Variants in TMEM131L observed in about 807,000 individuals in gnomAD.
TMEM131L encodes transmembrane protein 131-like.
TMEM131L carries 54 observed loss-of-function variants against 192.2 expected under a neutral mutation model. That is an observed-to-expected ratio of 0.28 (90% confidence interval 0.23 to 0.35). TMEM131L has a LOEUF of 0.35. Ranked by LOEUF, TMEM131L falls within the 10% of genes least tolerant of loss-of-function variation. The pLI is 1.00. For synonymous variants in TMEM131L, 701 were observed against 704.9 expected (o/e 0.99, Z 0.09); for missense variants, 1,888 against 1,972.9 (o/e 0.96, Z 0.82).
At chr4:153,609,574 G>T (rs1195342680) in intron 25 of TMEM131L, among the ~76,000 whole-genome samples, 2 of 152,118 alleles carry the variant, frequency 1.3e-5, no homozygotes, top group Non-Finnish European at 2.9e-5. Flanking sequence ...TGCAGAACTT[G>T]TTGTTAACAT....
rs945396993 is a variant in TMEM131L at position 153,612,399 on chromosome 4, A to G, written c.3566A>G (p.Glu1189Gly). ...FSEKQDIPFVEQEDPYRKKKL... is the reference protein window; with the variant it reads ...FSEKQDIPFVGQEDPYRKKKL... The stretch of plus-strand genomic sequence containing the variant: ...GAGAAACAGGACATACCTTTCGTAG[A>G]GGTCTGTATTTTTTTTCTTGCCTAT... The change falls in exon 26 of 35, where the codon GAG becomes GGG. Residue 1189 changes from glutamate to glycine, a missense_variant and splice_region_variant. Glu to Gly is a moderately conservative substitution (Grantham distance 98). Coordinates refer to ENST00000409959, the MANE Select transcript of TMEM131L (RefSeq NM_001131007.2). 3.2e-6 allele frequency: 5 copies of G among 1,581,306 alleles called. No homozygotes were observed. The highest frequency in any genetic ancestry group is 3.9e-5 in the Admixed American group (2 of 51,540).
chr4:153,603,191 T>C, intron 23 of TMEM131L, 112 bp from the exon 24 acceptor site: 2 of 869,810 alleles, frequency 2.3e-6, no homozygotes, highest in Non-Finnish European at 3.4e-6. Context: ...ATTTTAATAC[T>C]GCATCTTCAG....
chr4:153,624,736 C>T (rs377099876), intron 29 of TMEM131L, among the ~76,000 whole-genome samples: 1 of 152,186 alleles, frequency 6.6e-6, no homozygotes, highest in East Asian at 1.9e-4. Context: ...CCCCAGATCC[C>T]AGTGCACTTC....
At chr4:153,583,472 T>A (rs1312781903) in intron 10 of TMEM131L, 92 bp from the exon 11 acceptor site, 1 of 894,984 alleles carries the variant, frequency 1.1e-6, no homozygotes, top group Non-Finnish European at 1.9e-6. Flanking sequence ...TATGTATGGC[T>A]GGTCTGTGCT....
intron 3 of TMEM131L, among the ~76,000 whole-genome samples, chr4:153,501,920 T>C (rs931884940): frequency 6.6e-6 from 1 of 150,856 alleles, no homozygotes; most frequent in Non-Finnish European, 1.5e-5. Flanking sequence ...TCCAGGTCAC[T>C]TCCTGGAAGT....
At chr4:153,548,153 C>T (rs1481904046) in intron 3 of TMEM131L, among the ~76,000 whole-genome samples, 1 of 152,178 alleles carries the variant, frequency 6.6e-6, no homozygotes, top group Non-Finnish European at 1.5e-5. Flanking sequence ...CCGGAGGCAA[C>T]TTCTCTGCAA....
Position 153,591,194 on chromosome 4 carries a change from G to C in TMEM131L, c.1812G>C (p.Met604Ile). The C allele has an allele frequency of 1.3e-6, 2 of 1,595,094 alleles. No homozygotes were observed. Among genetic ancestry groups the C allele is most frequent in the Non-Finnish European group, 1.7e-6 (2 of 1,170,312 alleles). The part of the protein sequence containing the change: ...NFSATALRSR[M>I]IKYFVVQNPS... ...GCGCAACTGCCCTTAGGAGCAGGATGGTGAGGACAGTGTGTCTTTTCATTT... is the reference window on the plus strand; with the variant it reads ...GCGCAACTGCCCTTAGGAGCAGGATCGTGAGGACAGTGTGTCTTTTCATTT... Residue 604 changes from methionine (M) to isoleucine (I), a missense_variant and splice_region_variant, in exon 17 of 35, where the codon ATG becomes ATC. Transcript: ENST00000409959.
intron 25 of TMEM131L, 69 bp downstream of exon 25, chr4:153,604,499 T>C: frequency 7.0e-7 from 1 of 1,422,720 alleles, no homozygotes; most frequent in African/African-American, 1.4e-5. Context: ...GGAATTGTTC[T>C]CACCTGTGAC....
intron 17 of TMEM131L, 86 bp downstream of exon 17, chr4:153,591,280 C>A: frequency 1.5e-6 from 2 of 1,337,556 alleles, no homozygotes; most frequent in Non-Finnish European, 2.0e-6. Context: ...CCACCTTTAG[C>A]TACCATTTCA....
intron 7 of TMEM131L, among the ~76,000 whole-genome samples, chr4:153,562,837 A>G (rs1458038519): frequency 6.6e-6 from 1 of 152,240 alleles, no homozygotes; most frequent in Non-Finnish European, 1.5e-5. Flanking sequence ...TTTGAAATTG[A>G]GAGAAGAAAT....
chr4:153,620,003 T>C (rs1374862116), intron 26 of TMEM131L, among the ~76,000 whole-genome samples: 1 of 152,110 alleles, frequency 6.6e-6, no homozygotes, highest in African/African-American at 2.4e-5. Context: ...ACTGACAGTG[T>C]CTCTGTTTTA....
At chr4:153,631,965 A>G (rs887101430) in intron 31 of TMEM131L, among the ~76,000 whole-genome samples, 5 of 152,106 alleles carry the variant, frequency 3.3e-5, no homozygotes, top group South Asian at 2.1e-4. Flanking sequence ...CCTCACGTCA[A>G]TCACGTCTTT....
intron 7 of TMEM131L, among the ~76,000 whole-genome samples, chr4:153,568,326 G>A (rs930787644): frequency 6.6e-6 from 1 of 152,114 alleles, no homozygotes; most frequent in Admixed American, 6.6e-5. Context: ...GTGTCTTCAC[G>A]CTCCGTCTTC....
At chr4:153,614,736 TAGAG>T (rs1319035124) in intron 26 of TMEM131L, among the ~76,000 whole-genome samples, 4 of 152,102 alleles carry the variant, frequency 2.6e-5, no homozygotes, top group Non-Finnish European at 5.9e-5. Context: ...GCAATTGAAT[TAGAG>T]AGGGAAGAAG....
intron 3 of TMEM131L, among the ~76,000 whole-genome samples, chr4:153,480,517 C>CAAAA (rs1157080931): frequency 1.2e-4 from 6 of 50,740 alleles, no homozygotes; most frequent in Admixed American, 4.5e-4. Context: ...GACTCCATCT[C>CAAAA]AAAAAAAAAA....
chr4:153,618,521 CAAT>C (rs900138727), intron 26 of TMEM131L, among the ~76,000 whole-genome samples: 4 of 149,088 alleles, frequency 2.7e-5, no homozygotes, highest in African/African-American at 4.9e-5. Flanking sequence ...CCAAATAACT[CAAT>C]AATAATGATG....
chr4:153,580,231 T>C (rs1189730304), intron 7 of TMEM131L, among the ~76,000 whole-genome samples: 1 of 152,248 alleles, frequency 6.6e-6, no homozygotes, highest in Non-Finnish European at 1.5e-5. Context: ...CCAGGGGCTG[T>C]TAAGATCTTT....
intron 20 of TMEM131L, 103 bp from the exon 21 acceptor site, chr4:153,598,487 A>T: frequency 9.3e-7 from 1 of 1,075,060 alleles, no homozygotes; most frequent in Non-Finnish European, 1.3e-6. Context: ...AACTTCAAAA[A>T]AGTTTAAAAA....
At chr4:153,570,594 A>C (rs908263497) in intron 7 of TMEM131L, among the ~76,000 whole-genome samples, 1 of 151,868 alleles carries the variant, frequency 6.6e-6, no homozygotes, top group Non-Finnish European at 1.5e-5. Flanking sequence ...TCTGTTTTCC[A>C]TGTGTGGATT....
Sources: allele counts gnomAD v4.1 joint callset (sites outside exome capture counted in the v4.1 genomes callset), GRCh38; gene constraint gnomAD v4.1.1; transcripts MANE v1.5; gene names NCBI Gene and HGNC (gene_info 2026-07-23, HGNC 2026-07-21).